The following STAG1 variants were observed in gnomAD, a reference collection of about 807,000 sequenced individuals.
STAG1 encodes the protein cohesin subunit SA-1.
Under a neutral mutation model 170.9 loss-of-function variants are expected in STAG1, and 26 were observed. The ratio of observed to expected loss-of-function variants is 0.15; its 90% CI spans 0.11 to 0.21. STAG1 has a LOEUF of 0.21. STAG1 is among the 10% of genes least tolerant of loss of function. STAG1 has a pLI of 1.00. For synonymous variants in STAG1, 514 were observed against 497.7 expected, an observed-to-expected ratio of 1.03 and a Z score of -0.44; for missense variants, 964 against 1,509.5, an observed-to-expected ratio of 0.64 and a Z score of 5.99.
intron 1 of STAG1, among the ~76,000 whole-genome samples, chr3:136,632,999 G>C (rs567163471): frequency 2.2e-4 from 33 of 152,058 alleles, no homozygotes; most frequent in Admixed American, 2.2e-3. Flanking sequence ...AGACAGTCTT[G>C]GCAAAAGTAG....
At chr3:136,466,859 C>A (rs936582223) in intron 12 of STAG1, among the ~76,000 whole-genome samples, 21 of 152,284 alleles carry the variant, frequency 1.4e-4, no homozygotes, top group Non-Finnish European at 2.5e-4. Flanking sequence ...CAACATTCTT[C>A]AAGAAAAGAA....
chr3:136,557,123 G>A (rs1281477267), intron 5 of STAG1, among the ~76,000 whole-genome samples: 1 of 151,806 alleles, frequency 6.6e-6, no homozygotes, highest in Non-Finnish European at 1.5e-5. Context: ...TGTAGTCTCA[G>A]ACACTTGGGA....
At chr3:136,659,950 AG>A (rs774059024) in intron 1 of STAG1, among the ~76,000 whole-genome samples, 56 of 152,332 alleles carry the variant, frequency 3.7e-4, no homozygotes, top group Middle Eastern at 3.4e-3. Context: ...AGGCCAACTC[AG>A]GAGAACTGCT....
chr3:136,502,811 G>A (rs375763389), intron 7 of STAG1, 32 bp from the exon 8 acceptor site: 1 of 1,492,364 alleles, frequency 6.7e-7, no homozygotes, highest in African/African-American at 1.4e-5. Flanking sequence ...TAATACCTAT[G>A]AATCAAAACT....
intron 22 of STAG1, among the ~76,000 whole-genome samples, chr3:136,386,263 C>T (rs1177124170): frequency 6.6e-6 from 1 of 152,072 alleles, no homozygotes; most frequent in East Asian, 1.9e-4. Context: ...TGCTTGAACC[C>T]AGGAGGCGGA....
rs1937344560 is a variant in STAG1, at chr3:136,573,563, T to C, written c.298-4702A>G. 2.0e-5 allele frequency among the ~76,000 whole-genome samples: 3 copies of C among 151,858 alleles called. 1 individual carries two copies. The South Asian group carries it at 6.2e-4, about 31-fold the overall frequency. ...AAAAGTCCATTCTGAATTTTTTAAC[T>C]GGCCAAAAAAAATATTTCAAATAAA... On this transcript the variant is annotated intron_variant, in intron 4 of 33. Coordinates refer to ENST00000383202, the MANE Select transcript of STAG1 (RefSeq NM_005862.3).
At chr3:136,611,659 T>A (rs1404939237) in intron 3 of STAG1, among the ~76,000 whole-genome samples, 24 of 67,350 alleles carry the variant, frequency 3.6e-4, no homozygotes, top group African/African-American at 1.1e-3. Context: ...CACACCCAGC[T>A]TTTTTTTTTT....
chr3:136,466,796 G>T (rs973950088), intron 12 of STAG1, among the ~76,000 whole-genome samples: 4 of 152,254 alleles, frequency 2.6e-5, no homozygotes, highest in African/African-American at 4.8e-5. Context: ...CAGACTAACA[G>T]TGGATTTCTC....
chr3:136,468,782 G>T (rs6799345), intron 12 of STAG1, among the ~76,000 whole-genome samples: 54,965 of 151,776 alleles, frequency 0.36, 10,948 homozygotes, highest in African/African-American at 0.52. Flanking sequence ...AAAAAGCTTA[G>T]CCACCATGAT....
Position 136,580,521 on chromosome 3 carries a change from CTTT to C in STAG1, c.298-11663_298-11661del, listed in dbSNP as rs760635116. ...AGTTTGCATTTATTCTTGTATAATT[CTTT>C]TTTTTTTTTTTTTTTTTTTTGAGAC... On this transcript the variant is annotated intron_variant, in intron 4 of 33. Coordinates refer to ENST00000383202, the MANE Select transcript of STAG1 (RefSeq NM_005862.3). Among the ~76,000 whole-genome samples the C allele has an allele frequency of 1.0e-3, 101 of 100,338 alleles. 1 individual carries two copies. The highest frequency in any genetic ancestry group is 8.9e-3 in the Middle Eastern group (1 of 112). 65.8% of individuals were successfully genotyped at this position (100,338 alleles called of 152,430 possible).
chr3:136,661,689 ACT>A (rs1369315531), intron 1 of STAG1, among the ~76,000 whole-genome samples: 30 of 152,214 alleles, frequency 2.0e-4, no homozygotes, highest in Non-Finnish European at 5.9e-5. Context: ...GACTCAACAA[ACT>A]CTGAACAAAA....
intron 22 of STAG1, among the ~76,000 whole-genome samples, chr3:136,389,665 G>C (rs1223476283): frequency 6.6e-6 from 1 of 151,922 alleles, no homozygotes; most frequent in African/African-American, 2.4e-5. Flanking sequence ...GATTACAGGC[G>C]TGTGCCACCA....
intron 6 of STAG1, among the ~76,000 whole-genome samples, chr3:136,533,031 C>CA (rs1935454690): frequency 1.3e-5 from 2 of 152,026 alleles, no homozygotes; most frequent in Non-Finnish European, 2.9e-5. Flanking sequence ...AAGCCTCTAC[C>CA]AAAAAATTCT....
chr3:136,703,975 G>A (rs1253358840), intron 1 of STAG1, among the ~76,000 whole-genome samples: 1 of 151,682 alleles, frequency 6.6e-6, no homozygotes, highest in African/African-American at 2.4e-5. Flanking sequence ...CTGTGTCACT[G>A]CACTCCAGGC....
chr3:136,568,954 T>C, intron 4 of STAG1, 93 bp from the exon 5 acceptor site: 1 of 854,142 alleles, frequency 1.2e-6, no homozygotes, highest in South Asian at 1.7e-5. Context: ...TGTGTGTGTT[T>C]CTATCTGAAC....
In STAG1 at chr3:136,544,550, A is replaced by G. The variant is rs561970527; in HGVS notation, c.395-2355T>C. Among the ~76,000 whole-genome samples the G allele has an allele frequency of 3.9e-5, 6 of 152,132 alleles. No individual in the cohort carries two copies. The East Asian group carries it at 1.2e-3, about 29-fold the overall frequency. The stretch of plus-strand genomic sequence containing the variant: ...GGTTGAGGTGGGCAGACTGCTTAAG[A>G]TCAAGAGTTTGAGACCAGCCTGGGC... On this transcript the variant is annotated intron_variant, in intron 5 of 33. Transcript: ENST00000383202.
At chr3:136,426,786 C>T (rs950967820) in intron 16 of STAG1, among the ~76,000 whole-genome samples, 5 of 151,884 alleles carry the variant, frequency 3.3e-5, no homozygotes, top group East Asian at 3.9e-4. Context: ...TAAAAAATAC[C>T]GGCTGAGCGT....
At chr3:136,396,163 A>G (rs1320194946) in intron 22 of STAG1, among the ~76,000 whole-genome samples, 1 of 151,632 alleles carries the variant, frequency 6.6e-6, no homozygotes, top group Non-Finnish European at 1.5e-5. Flanking sequence ...TGGTCTCCCA[A>G]AGTGCTACGA....
intron 12 of STAG1, 95 bp downstream of exon 12, chr3:136,472,318 A>G (rs768771761): frequency 6.2e-6 from 4 of 648,226 alleles, no homozygotes; most frequent in Non-Finnish European, 9.9e-6. Flanking sequence ...TGATAAACAT[A>G]TACATAAGGA....
Sources: gnomAD v4.1 joint callset for allele counts (sites outside exome capture counted in the v4.1 genomes callset) on GRCh38, gnomAD v4.1.1 for gene constraint, MANE v1.5 for transcripts, NCBI Gene and HGNC (gene_info 2026-07-23, HGNC 2026-07-21) for gene names.